The following PREX2 variants were observed in gnomAD, a reference collection of about 807,000 sequenced individuals.
PREX2 encodes phosphatidylinositol 3,4,5-trisphosphate-dependent Rac exchanger 2 protein.
Under a neutral mutation model 203.2 loss-of-function variants are expected in PREX2, and 107 were observed. The observed-to-expected ratio is 0.53, with a 90% CI of 0.45 to 0.62. PREX2 has a LOEUF of 0.62. Among genes scored for constraint, PREX2 ranks in the 20% least tolerant of loss-of-function variants. The probability of loss-of-function intolerance (pLI) is 0.00; values close to 1 mark genes in which losing one functional copy is unlikely to be tolerated. For missense variants in PREX2, 1,777 were observed against 1,955.9 expected (o/e 0.91, Z 1.72); for synonymous variants, 672 against 663.6 (o/e 1.01, Z -0.19).
At chr8:68,130,118 A>AAG (rs1176401748) in intron 31 of PREX2, among the ~76,000 whole-genome samples, 1 of 150,570 alleles carries the variant, frequency 6.6e-6, no homozygotes, top group Non-Finnish European at 1.5e-5. Context: ...CCTCTGCAAA[A>AAG]AAAAAAAAAA....
At chr8:67,953,186 C>CGCCCCCG (rs1585648577) in intron 1 of PREX2, among the ~76,000 whole-genome samples, 1 of 133,480 alleles carries the variant, frequency 7.5e-6, no homozygotes, top group East Asian at 2.4e-4. Flanking sequence ...CCCCGCCCCC[C>CGCCCCCG]GCCCCGGCTT....
In PREX2 at chr8:68,093,742, C is replaced by A; in HGVS notation, c.2368+20C>A. ...TAGAAGGTAGGTTTCTTATTTTCTT[C>A]TTCATGTGCTTATAGTATTCTTTTC... On this transcript the variant is annotated intron_variant, in intron 21 of 39. Transcript: ENST00000288368. 1 of 1,260,938 alleles carries A rather than the reference C, an allele frequency of 7.9e-7. No homozygotes were observed. Among genetic ancestry groups the A allele is most frequent in the Admixed American group, 1.7e-5 (1 of 57,278 alleles). 78.1% of individuals were successfully genotyped at this position (1,260,938 alleles called of 1,614,324 possible). A position where few individuals can be genotyped will look rare whatever the true frequency, so the allele number is the denominator to read the frequency against.
At chr8:67,991,525 G>T (rs886130536) in intron 1 of PREX2, among the ~76,000 whole-genome samples, 4 of 152,162 alleles carry the variant, frequency 2.6e-5, no homozygotes, top group African/African-American at 7.2e-5. Flanking sequence ...TGGGAGGAAG[G>T]AGAAGTGCCC....
chr8:68,191,507 C>T (rs1021425753), intron 35 of PREX2, among the ~76,000 whole-genome samples: 1 of 152,070 alleles, frequency 6.6e-6, no homozygotes, highest in African/African-American at 2.4e-5. Flanking sequence ...GTGATTTCTC[C>T]AAGACCACAC....
intron 23 of PREX2, 28 bp downstream of exon 23, chr8:68,099,871 A>G: frequency 6.6e-7 from 1 of 1,525,576 alleles, no homozygotes; most frequent in Admixed American, 1.7e-5. Context: ...TTTATACACA[A>G]TTATTGTTGA....
At chr8:68,197,273 G>C (rs1812416130) in intron 37 of PREX2, among the ~76,000 whole-genome samples, 1 of 152,106 alleles carries the variant, frequency 6.6e-6, no homozygotes, top group Non-Finnish European at 1.5e-5. Context: ...GGCAGGACCA[G>C]GTGGAGGTAA....
intron 35 of PREX2, 48 bp downstream of exon 35, chr8:68,157,484 G>A: frequency 3.1e-6 from 3 of 970,734 alleles, no homozygotes; most frequent in Non-Finnish European, 4.9e-6. Context: ...TATTTTGATA[G>A]AAATGTATTA....
chr8:68,165,775 C>T (rs1177937328), intron 35 of PREX2, among the ~76,000 whole-genome samples: 2 of 152,032 alleles, frequency 1.3e-5, no homozygotes, highest in East Asian at 3.9e-4. Context: ...TTAGGTATTT[C>T]AAAAGATCCC....
At chr8:68,104,570 T>G (rs1487759472) in intron 23 of PREX2, among the ~76,000 whole-genome samples, 1 of 152,224 alleles carries the variant, frequency 6.6e-6, no homozygotes, top group Admixed American at 6.5e-5. Context: ...TGGTTACAAC[T>G]GGTAATCCAT....
At chr8:68,103,616 C>T (rs750866076) in intron 23 of PREX2, 2 of 519,150 alleles carry the variant, frequency 3.9e-6, no homozygotes, top group Non-Finnish European at 7.7e-6. Context: ...ACCCTCAACA[C>T]ACTCCAGTGG....
At chr8:67,955,303 A>G (rs1406356776) in intron 1 of PREX2, among the ~76,000 whole-genome samples, 4 of 152,152 alleles carry the variant, frequency 2.6e-5, no homozygotes, top group Non-Finnish European at 4.4e-5. Context: ...AAGACAGCCC[A>G]TGAGCATTGC....
intron 37 of PREX2, among the ~76,000 whole-genome samples, chr8:68,208,757 A>C (rs1812691500): frequency 6.6e-6 from 1 of 152,120 alleles, no homozygotes; most frequent in African/African-American, 2.4e-5. Flanking sequence ...TTTGGAGTGC[A>C]TAAAATCACA....
intron 1 of PREX2, among the ~76,000 whole-genome samples, chr8:67,959,717 T>G (rs1308623995): frequency 6.6e-6 from 1 of 152,220 alleles, no homozygotes; most frequent in Non-Finnish European, 1.5e-5. Context: ...CAAATTCTGC[T>G]GCTTCTCCAG....
intron 1 of PREX2, among the ~76,000 whole-genome samples, chr8:67,984,032 G>C (rs1383200849): frequency 6.6e-6 from 1 of 151,918 alleles, no homozygotes; most frequent in Non-Finnish European, 1.5e-5. Context: ...CTCTGATCCT[G>C]CTATTCTCCC....
chr8:67,968,926 C>T (rs551787058), intron 1 of PREX2, among the ~76,000 whole-genome samples: 1 of 152,312 alleles, frequency 6.6e-6, no homozygotes, highest in Non-Finnish European at 1.5e-5. Flanking sequence ...ATGCAAGATA[C>T]AGTGCCTAGG....
intron 1 of PREX2, among the ~76,000 whole-genome samples, chr8:67,964,477 C>T (rs985970548): frequency 6.6e-6 from 1 of 152,142 alleles, no homozygotes; most frequent in Non-Finnish European, 1.5e-5. Flanking sequence ...TTATTGGATT[C>T]CTTTACTGTA....
intron 1 of PREX2, among the ~76,000 whole-genome samples, chr8:67,971,290 C>G (rs1805920563): frequency 6.6e-6 from 1 of 152,068 alleles, no homozygotes; most frequent in Non-Finnish European, 1.5e-5. Context: ...TGAGAGAGAT[C>G]AATTCATTAA....
rs752301045 is a variant in PREX2 at position 68,127,408 on chromosome 8, T to C, written c.3755T>C (p.Leu1252Pro). Residue 1252 changes from leucine (L) to proline (P), a missense_variant, in exon 31 of 40, where the codon CTT (leucine) becomes CCT (proline). By Grantham distance (98) the Leu-to-Pro change is moderately conservative. Coordinates refer to ENST00000288368, the MANE Select transcript of PREX2 (RefSeq NM_024870.4). Reference sequence around the variant, plus strand: ...AAGTGTAGGCTACTCCTGGCTCTTCTTGAATATTCAGGTAACATTTTGCAT... The same window carrying C: ...AAGTGTAGGCTACTCCTGGCTCTTCCTGAATATTCAGGTAACATTTTGCAT... ...EVKCRLLLAL[L>P]EYSDSETQLR... is the part of the protein sequence containing the mutation. 1.2e-6 allele frequency: 2 copies of C among 1,608,316 alleles called. No homozygotes were observed. The highest frequency in any genetic ancestry group is 2.2e-5 in the South Asian group (2 of 90,756).
intron 8 of PREX2, among the ~76,000 whole-genome samples, chr8:68,050,986 A>G (rs1218018598): frequency 1.3e-5 from 2 of 152,168 alleles, no homozygotes; most frequent in Non-Finnish European, 2.9e-5. Flanking sequence ...GAATCTTTAA[A>G]GCGAAGTCTA....
Sources: gnomAD v4.1 joint callset for allele counts (sites outside exome capture counted in the v4.1 genomes callset) on GRCh38, gnomAD v4.1.1 for gene constraint, MANE v1.5 for transcripts, NCBI Gene and HGNC (gene_info 2026-07-23, HGNC 2026-07-21) for gene names.